Variants in NALF1 observed in about 807,000 individuals in gnomAD.
NALF1 encodes family with sequence similarity 155 member A.
NALF1 carries 3 observed loss-of-function variants against 48.4 expected under a neutral mutation model. The ratio of observed to expected loss-of-function variants is 0.06; its 90% confidence interval spans 0.03 to 0.16. The LOEUF is 0.16. NALF1 is among the 10% of genes least tolerant of loss of function. The pLI, the probability that NALF1 is intolerant of heterozygous loss-of-function variation, is 1.00. For missense variants in NALF1, 526 were observed against 571.5 expected, an observed-to-expected ratio of 0.92 and a Z score of 0.81; for synonymous variants, 262 against 245.7, an observed-to-expected ratio of 1.07 and a Z score of -0.62.
intron 1 of NALF1, among the ~76,000 whole-genome samples, chr13:107,699,638 T>C (rs1191479386): frequency 6.6e-6 from 1 of 152,144 alleles, no homozygotes; most frequent in Non-Finnish European, 1.5e-5. Flanking sequence ...CACTCATTAC[T>C]ATTCAACATA....
chr13:107,495,734 T>C (rs1007685933), intron 1 of NALF1, among the ~76,000 whole-genome samples: 2 of 152,182 alleles, frequency 1.3e-5, no homozygotes, highest in Non-Finnish European at 2.9e-5. Context: ...TGGTTATCAT[T>C]GTTGTCAGCC....
chr13:107,778,686 G>T (rs1877805916), intron 1 of NALF1, among the ~76,000 whole-genome samples: 1 of 152,130 alleles, frequency 6.6e-6, no homozygotes, highest in Non-Finnish European at 1.5e-5. Context: ...AGTGTGGACA[G>T]GAGATGGAGA....
At chr13:107,175,058 T>G (rs1281964798) in intron 2 of NALF1, among the ~76,000 whole-genome samples, 1 of 97,390 alleles carries the variant, frequency 1.0e-5, no homozygotes, top group Admixed American at 1.0e-4. Flanking sequence ...TAACTTTTTT[T>G]TTTTGTATTT....
intron 1 of NALF1, among the ~76,000 whole-genome samples, chr13:107,743,794 A>G (rs947262454): frequency 1.3e-5 from 2 of 152,196 alleles, no homozygotes; most frequent in Admixed American, 6.5e-5. Flanking sequence ...GTTATACAGG[A>G]ACTGTGAAGC....
intron 1 of NALF1, among the ~76,000 whole-genome samples, chr13:107,780,822 C>T (rs1487381852): frequency 6.6e-6 from 1 of 152,126 alleles, no homozygotes; most frequent in Non-Finnish European, 1.5e-5. Flanking sequence ...ATGATTACTA[C>T]TCTGTAACCA....
At chr13:107,823,731 C>T (rs1007239349) in intron 1 of NALF1, among the ~76,000 whole-genome samples, 2 of 152,132 alleles carry the variant, frequency 1.3e-5, no homozygotes, top group East Asian at 1.9e-4. Context: ...TATATATGTT[C>T]GTGTGACAAG....
At chr13:107,183,842 G>A (rs888531520) in intron 2 of NALF1, among the ~76,000 whole-genome samples, 7 of 152,168 alleles carry the variant, frequency 4.6e-5, no homozygotes, top group East Asian at 1.9e-4. Flanking sequence ...AGGGCCTGTC[G>A]AGGGGAGGAG....
At chr13:107,514,126 C>T (rs1020263364) in intron 1 of NALF1, among the ~76,000 whole-genome samples, 4 of 152,140 alleles carry the variant, frequency 2.6e-5, no homozygotes, top group Non-Finnish European at 5.9e-5. Context: ...GCAAATGCTA[C>T]GTAAGCTGGA....
intron 1 of NALF1, among the ~76,000 whole-genome samples, chr13:107,715,542 G>A (rs985049416): frequency 2.6e-5 from 4 of 152,262 alleles, no homozygotes; most frequent in East Asian, 3.9e-4. Flanking sequence ...TCCTGTGCCC[G>A]ATCAGGGAGT....
intron 1 of NALF1, among the ~76,000 whole-genome samples, chr13:107,730,571 T>C (rs974334957): frequency 1.3e-5 from 2 of 152,232 alleles, no homozygotes; most frequent in African/African-American, 4.8e-5. Flanking sequence ...AAACTAATAC[T>C]TGCTTTTCTA....
chr13:107,853,095 T>G (rs1412735763), intron 1 of NALF1, among the ~76,000 whole-genome samples: 3 of 152,212 alleles, frequency 2.0e-5, no homozygotes, highest in Admixed American at 2.0e-4. Flanking sequence ...TCTACTCTAG[T>G]CATCACATGG....
At chr13:107,562,794 A>G (rs1425561436) in intron 1 of NALF1, among the ~76,000 whole-genome samples, 3 of 152,244 alleles carry the variant, frequency 2.0e-5, no homozygotes, top group Admixed American at 2.0e-4. Flanking sequence ...AAGGAGTACC[A>G]TGCAATAATC....
At chr13:107,471,726 C>G (rs1264244811) in intron 1 of NALF1, among the ~76,000 whole-genome samples, 1 of 152,132 alleles carries the variant, frequency 6.6e-6, no homozygotes, top group African/African-American at 2.4e-5. Context: ...AGAATTAGAT[C>G]TCTTCATTCA....
At chr13:107,732,578 A>C (rs1876339902) in intron 1 of NALF1, among the ~76,000 whole-genome samples, 1 of 152,152 alleles carries the variant, frequency 6.6e-6, no homozygotes, top group Admixed American at 6.6e-5. Flanking sequence ...TCATTTCCTC[A>C]GAAGTTGTAT....
chr13:107,587,831 A>G (rs1270594197), intron 1 of NALF1, among the ~76,000 whole-genome samples: 3 of 152,120 alleles, frequency 2.0e-5, no homozygotes, highest in East Asian at 3.9e-4. Flanking sequence ...GCAAAACTGA[A>G]CAGGTGCACA....
intron 1 of NALF1, among the ~76,000 whole-genome samples, chr13:107,812,402 A>G (rs948616918): frequency 2.8e-4 from 42 of 152,112 alleles, no homozygotes; most frequent in Admixed American, 1.4e-3. Context: ...GAAAAAGACC[A>G]CTTGAAATGG....
At chr13:107,671,632 G>A (rs979402724) in intron 1 of NALF1, among the ~76,000 whole-genome samples, 4 of 151,988 alleles carry the variant, frequency 2.6e-5, no homozygotes, top group African/African-American at 9.7e-5. Flanking sequence ...TACTTTAAAA[G>A]TTAAAAAGTA....
intron 1 of NALF1, among the ~76,000 whole-genome samples, chr13:107,618,319 T>G (rs1879433764): frequency 1.3e-5 from 2 of 152,048 alleles, no homozygotes; most frequent in Admixed American, 1.3e-4. Flanking sequence ...CTGGACCTGG[T>G]GGAAGGTCAC....
intron 1 of NALF1, among the ~76,000 whole-genome samples, chr13:107,824,369 GA>G (rs764338306): frequency 1.4e-4 from 21 of 151,996 alleles, no homozygotes; most frequent in African/African-American, 4.3e-4. Context: ...AAATTAATGA[GA>G]AAAAAAACTA....
Sources: gnomAD v4.1 joint callset for allele counts (sites outside exome capture counted in the v4.1 genomes callset) on GRCh38, gnomAD v4.1.1 for gene constraint, MANE v1.5 for transcripts, NCBI Gene and HGNC (gene_info 2026-07-23, HGNC 2026-07-21) for gene names.